GFRAL: variants seen among roughly 807,000 people sequenced by gnomAD.
GFRAL encodes GDNF family receptor alpha like.
GFRAL carries 36 observed loss-of-function variants against 45.4 expected under a neutral mutation model. That is an observed-to-expected ratio of 0.79 (90% CI 0.61 to 1.05). The LOEUF (loss-of-function observed/expected upper bound fraction) is 1.05, where lower values mean the gene tolerates loss of function less well. GFRAL is among the 50% of genes least tolerant of loss of function. GFRAL has a pLI of 0.00. For synonymous variants in GFRAL, 166 were observed against 154.1 expected (o/e 1.08, Z -0.57); for missense variants, 507 against 467.5 (o/e 1.08, Z -0.78).
chr6:55,333,523 A>G (rs1767855766), intron 2 of GFRAL, among the ~76,000 whole-genome samples: 1 of 152,168 alleles, frequency 6.6e-6, no homozygotes, highest in Non-Finnish European at 1.5e-5. Flanking sequence ...TTTTTACTGA[A>G]AAGCAAGAAA....
chr6:55,351,513 G>A lies in GFRAL; in HGVS notation c.631G>A (p.Ala211Thr). ...SKEALHSKTC[A>T]VNMVPPPTCL... ...AGAAGCTCTTCACAGCAAGACATGT[G>A]CAGTGAACATGGTTCCACCCCCTAC... The change falls in exon 5 of 9, where the codon GCA (alanine) becomes ACA (threonine). Residue 211 changes from alanine (A) to threonine (T), a missense_variant. Physicochemically the swap from Ala to Thr is moderately conservative, Grantham distance 58. Coordinates refer to ENST00000340465, the MANE Select transcript of GFRAL (RefSeq NM_207410.2). 1.2e-6 allele frequency: 2 copies of A among 1,613,182 alleles called. No homozygotes were observed. The highest frequency in any genetic ancestry group is 8.5e-7 in the Non-Finnish European group (1 of 1,179,378).
intron 3 of GFRAL, among the ~76,000 whole-genome samples, chr6:55,337,685 AGTTT>A (rs1371702131): frequency 1.5e-4 from 23 of 152,218 alleles, no homozygotes; most frequent in African/African-American, 5.3e-4. Context: ...TAAAGTTTTC[AGTTT>A]ACTGTTTCTT....
At position 55,327,528 on chromosome 6, in the gene GFRAL, C is replaced by T; in HGVS notation, c.-27C>T. The stretch of plus-strand genomic sequence containing the variant: ...GAAGAAACGCATCTGCCTTTTTTTC[C>T]AGGTGAACTGCCGTGAGTTGTCCAG... On this transcript the variant is annotated 5_prime_UTR_variant, in exon 1 of 9. Coordinates refer to ENST00000340465, the MANE Select transcript of GFRAL (RefSeq NM_207410.2). 1.9e-6 allele frequency: 3 copies of T among 1,610,918 alleles called. No homozygotes were observed. The highest frequency in any genetic ancestry group is 2.5e-6 in the Non-Finnish European group (3 of 1,178,398).
intron 6 of GFRAL, among the ~76,000 whole-genome samples, chr6:55,363,037 A>G (rs1768298679): frequency 6.6e-6 from 1 of 151,494 alleles, no homozygotes; most frequent in South Asian, 2.1e-4. Flanking sequence ...GAGACAAAAG[A>G]GGGAAGGTAG....
chr6:55,345,847 A>G (rs1204422002), intron 3 of GFRAL, among the ~76,000 whole-genome samples: 2 of 152,210 alleles, frequency 1.3e-5, no homozygotes, highest in African/African-American at 2.4e-5. Flanking sequence ...CAAATTTACA[A>G]GAAAAAAACA....
At position 55,392,692 on chromosome 6, in the gene GFRAL, T is replaced by C. The variant is rs117177594; in HGVS notation, c.953-6488T>C. ...AAGTTTGCTTGAACACATGGACAAATAGAGGGGAACAACACACTTGGGGGC... is the reference window on the plus strand; with the variant it reads ...AAGTTTGCTTGAACACATGGACAAACAGAGGGGAACAACACACTTGGGGGC... On this transcript the variant is annotated intron_variant, in intron 6 of 8. Transcript: ENST00000340465. 5.8e-3 allele frequency among the ~76,000 whole-genome samples: 875 copies of C among 151,534 alleles called. 22 individuals are homozygous for C. Among genetic ancestry groups the C allele is most frequent in the Admixed American group, 0.049 (752 of 15,204 alleles).
At chr6:55,373,814 C>T (rs1768488295) in intron 6 of GFRAL, among the ~76,000 whole-genome samples, 2 of 151,872 alleles carry the variant, frequency 1.3e-5, no homozygotes, top group South Asian at 4.2e-4. Context: ...TAAATGCATG[C>T]CATAGTGGTT....
chr6:55,350,524 A>C (rs747219162), intron 4 of GFRAL, among the ~76,000 whole-genome samples: 40 of 151,940 alleles, frequency 2.6e-4, no homozygotes, highest in Non-Finnish European at 4.0e-4. Flanking sequence ...AAACAAAACA[A>C]AACAAAAACA....
chr6:55,355,813 AAGCTTTC>A (rs145617003), intron 5 of GFRAL, among the ~76,000 whole-genome samples: 1,595 of 152,010 alleles, frequency 0.01, 36 homozygotes, highest in African/African-American at 0.036. Context: ...CATAGAGGAA[AAGCTTTC>A]AGTTTTTCCC....
chr6:55,397,957 CTAAAG>C (rs1298354162), intron 6 of GFRAL, among the ~76,000 whole-genome samples: 2 of 152,012 alleles, frequency 1.3e-5, no homozygotes, highest in Non-Finnish European at 2.9e-5. Context: ...TTAAAGTTGC[CTAAAG>C]TATTTAGTAC....
Position 55,368,280 on chromosome 6 carries a change from T to C in GFRAL, c.952+9142T>C, listed in dbSNP as rs1457761964. Among the ~76,000 whole-genome samples, 10 of 150,986 alleles carry C rather than the reference T, an allele frequency of 6.6e-5. No individual in the cohort carries two copies. The East Asian group carries it at 1.8e-3, about 26-fold the overall frequency. On this transcript the variant is annotated intron_variant, in intron 6 of 8. Transcript: ENST00000340465. ...TCTTCACGTAGTTCTCGAGCCTTGGTTTTCAGCTCCATCAGCTCCTTTAAG... is the reference window on the plus strand; with the variant it reads ...TCTTCACGTAGTTCTCGAGCCTTGGCTTTCAGCTCCATCAGCTCCTTTAAG...
intron 6 of GFRAL, among the ~76,000 whole-genome samples, chr6:55,367,587 T>A (rs1458291369): frequency 6.6e-6 from 1 of 151,702 alleles, no homozygotes; most frequent in Non-Finnish European, 1.5e-5. Flanking sequence ...TACCGGTTGT[T>A]CCTTTCCATG....
chr6:55,381,861 C>T (rs1254137294), intron 6 of GFRAL, among the ~76,000 whole-genome samples: 1 of 151,930 alleles, frequency 6.6e-6, no homozygotes, highest in Non-Finnish European at 1.5e-5. Context: ...CTTATGCACA[C>T]AGATATACAT....
rs1383604078 is a variant in GFRAL, at chr6:55,333,829, C to T, written c.201C>T (p.Asn67=). The T allele has an allele frequency of 5.0e-6, 8 of 1,608,312 alleles. No individual in the cohort carries two copies. The highest frequency in any genetic ancestry group is 6.0e-6 in the Non-Finnish European group (7 of 1,176,434). Residue 67 remains asparagine, a synonymous_variant, in exon 3 of 9, where the codon AAC becomes AAT. Coordinates refer to ENST00000340465, the MANE Select transcript of GFRAL (RefSeq NM_207410.2). ...PCKMRNSSYC[N]LSIQYLVESN... ...AGATGAGGAATTCATCATACTGTAA[C>T]CTGAGTATCCAGTACTTAGTGGAAA...
intron 5 of GFRAL, among the ~76,000 whole-genome samples, chr6:55,356,204 G>A (rs1463645302): frequency 6.6e-6 from 1 of 151,886 alleles, no homozygotes; most frequent in Non-Finnish European, 1.5e-5. Context: ...TGTCTTGTCT[G>A]GTTTTGGTAT....
At chr6:55,341,331 G>T (rs914451720) in intron 3 of GFRAL, among the ~76,000 whole-genome samples, 4 of 152,186 alleles carry the variant, frequency 2.6e-5, no homozygotes, top group Non-Finnish European at 5.9e-5. Context: ...GAAGCTTCCA[G>T]AGGAACGATC....
At chr6:55,379,488 G>A (rs1201729398) in intron 6 of GFRAL, among the ~76,000 whole-genome samples, 1 of 148,522 alleles carries the variant, frequency 6.7e-6, no homozygotes, top group Non-Finnish European at 1.5e-5. Context: ...TATTTTTTAT[G>A]TTTTGCTTTT....
intron 6 of GFRAL, among the ~76,000 whole-genome samples, chr6:55,368,262 G>A (rs1190078152): frequency 8.0e-5 from 12 of 150,838 alleles, no homozygotes; most frequent in Admixed American, 3.3e-4. Flanking sequence ...CATTCTTCAC[G>A]TAGTTCTCGA....
At chr6:55,391,413 A>G (rs2127365697) in intron 6 of GFRAL, among the ~76,000 whole-genome samples, 1 of 152,280 alleles carries the variant, frequency 6.6e-6, no homozygotes, top group South Asian at 2.1e-4. Flanking sequence ...ATACTGTTTT[A>G]TTTAATTTTG....
Sources: gnomAD v4.1 joint callset for allele counts (sites outside exome capture counted in the v4.1 genomes callset) on GRCh38, gnomAD v4.1.1 for gene constraint, MANE v1.5 for transcripts, NCBI Gene and HGNC (gene_info 2026-07-23, HGNC 2026-07-21) for gene names.